Variants in PCDHGA2 observed in about 807,000 individuals in gnomAD.
PCDHGA2 encodes protocadherin gamma-A2.
A neutral mutation model predicts 59.2 loss-of-function variants in PCDHGA2; 40 were observed. The observed-to-expected ratio is 0.68, with a 90% CI of 0.52 to 0.88. The LOEUF (loss-of-function observed/expected upper bound fraction) is 0.88. Ranked by LOEUF, PCDHGA2 falls within the 40% of genes least tolerant of loss-of-function variation. The pLI is 0.00. For missense variants in PCDHGA2, 1,226 were observed against 1,204.0 expected, an observed-to-expected ratio of 1.02 and a Z score of -0.27; for synonymous variants, 560 against 526.0, an observed-to-expected ratio of 1.06 and a Z score of -0.89.
At chr5:141,408,882 A>G (rs1561715935) in intron 1 of PCDHGA2, 1 of 1,613,404 alleles carries the variant, frequency 6.2e-7, no homozygotes, top group Admixed American at 1.7e-5. Context: ...GCCACCGCTC[A>G]CATAGAAATT....
At chr5:141,416,033 C>T (rs770398549) in intron 1 of PCDHGA2, 22 of 202,600 alleles carry the variant, frequency 1.1e-4, no homozygotes, top group Non-Finnish European at 1.9e-4. Flanking sequence ...AAAGAAATCA[C>T]CTCTGGAAAC....
Position 141,432,736 on chromosome 5 carries a change from G to T in PCDHGA2, c.2425-62071G>T. On this transcript the variant is annotated intron_variant, in intron 1 of 3. Transcript: ENST00000394576. The surrounding 1 kb of genome is among the most constrained non-coding windows in gnomAD (Gnocchi z 6.0). ...AGCCCCCTCTCTCCGCCACTGTCACGCTCACCGTGGCCGTGGCCGACAGCA... is the reference window on the plus strand; with the variant it reads ...AGCCCCCTCTCTCCGCCACTGTCACTCTCACCGTGGCCGTGGCCGACAGCA... The T allele has an allele frequency of 6.2e-7, 1 of 1,614,058 alleles. No individual in the cohort carries two copies. The highest frequency in any genetic ancestry group is 8.5e-7 in the Non-Finnish European group (1 of 1,179,980).
chr5:141,393,250 C>G, intron 1 of PCDHGA2: 11 of 1,613,824 alleles, frequency 6.8e-6, no homozygotes, highest in South Asian at 1.1e-5. Flanking sequence ...AACGAAATCG[C>G]GGTTCCTGGA....
intron 1 of PCDHGA2, among the ~76,000 whole-genome samples, chr5:141,467,304 C>T (rs567912553): frequency 2.0e-5 from 3 of 152,266 alleles, no homozygotes; most frequent in Admixed American, 6.5e-5. Flanking sequence ...CCACTCACCT[C>T]GGCCTCCCAC....
Position 141,485,875 on chromosome 5 carries a change from C to T in PCDHGA2, c.2425-8932C>T, listed in dbSNP as rs1254918181. The T allele has an allele frequency of 1.9e-6, 3 of 1,614,150 alleles. No homozygotes were observed. The highest frequency in any genetic ancestry group is 2.2e-5 in the East Asian group (1 of 44,862). On this transcript the variant is annotated intron_variant, in intron 1 of 3. Transcript: ENST00000394576. This position sits in a 1 kb window ranked among gnomAD's most constrained non-coding sequence, Gnocchi z 5.7. ...CAGAGCTCCGGGTATCCGTGCTGGACGTAAACGACAACGCCCCAGCCTTCC... is the reference window on the plus strand; with the variant it reads ...CAGAGCTCCGGGTATCCGTGCTGGATGTAAACGACAACGCCCCAGCCTTCC...
chr5:141,390,371 T>C (rs761971479), intron 1 of PCDHGA2: 15 of 1,499,488 alleles, frequency 1.0e-5, no homozygotes, highest in Non-Finnish European at 3.6e-6. Context: ...GGAAAATATA[T>C]AATTTTTAGA....
At position 141,486,927 on chromosome 5, in the gene PCDHGA2, G is replaced by A; in HGVS notation, c.2425-7880G>A. ...CCCCAAGCACTGCCTCCATCAGTTG[G>A]TGCTGGCCACCTAATCACAAAGGTG... On this transcript the variant is annotated intron_variant, in intron 1 of 3. Transcript: ENST00000394576. The surrounding 1 kb of genome is among the most constrained non-coding windows in gnomAD (Gnocchi z 5.0). 4 of 1,614,226 alleles carry A rather than the reference G, an allele frequency of 2.5e-6. No individual in the cohort carries two copies. Among genetic ancestry groups the A allele is most frequent in the Non-Finnish European group, 3.4e-6 (4 of 1,180,046 alleles).
intron 1 of PCDHGA2, among the ~76,000 whole-genome samples, chr5:141,450,832 T>TTATTA (rs764784095): frequency 5.6e-5 from 8 of 142,316 alleles, no homozygotes; most frequent in African/African-American, 2.2e-4. Context: ...TATTATTATT[T>TTATTA]TTTTTTTTTT....
intron 1 of PCDHGA2, among the ~76,000 whole-genome samples, chr5:141,359,234 T>C (rs1489655323): frequency 6.6e-6 from 1 of 152,044 alleles, no homozygotes; most frequent in Non-Finnish European, 1.5e-5. Flanking sequence ...GGAGAGATTG[T>C]TTAAAGTAAT....
rs151023570 is a variant in PCDHGA2, at chr5:141,339,442, G to T, written c.471G>T (p.Ala157=). Residue 157 remains alanine, a synonymous_variant, in exon 1 of 4, where the codon GCG becomes GCT. Transcript: ENST00000394576. ...TPGFRIPLKN[A]HDADVGENAL... is the part of the protein sequence containing the mutation. ...GATTCCGGATTCCTCTTAAGAATGC[G>T]CATGATGCAGACGTAGGTGAGAACG... 6 of 1,614,086 alleles carry T rather than the reference G, an allele frequency of 3.7e-6. No individual in the cohort carries two copies. Among genetic ancestry groups the T allele is most frequent in the South Asian group, 3.3e-5 (3 of 91,088 alleles).
rs2096301395 is a variant in PCDHGA2, at chr5:141,418,913, C to A, written c.2425-75894C>A. On this transcript the variant is annotated intron_variant, in intron 1 of 3. Coordinates refer to ENST00000394576, the MANE Select transcript of PCDHGA2 (RefSeq NM_018915.4). ...CAGCCCAGAAATAATCATCACGTCA[C>A]TCTCTGATCAGATTATGGAGGATTC... The A allele has an allele frequency of 2.5e-6, 4 of 1,613,946 alleles. No homozygotes were observed. The highest frequency in any genetic ancestry group is 3.4e-6 in the Non-Finnish European group (4 of 1,179,822).
chr5:141,375,376 T>C (rs369693089), intron 1 of PCDHGA2: 1 of 1,613,930 alleles, frequency 6.2e-7, no homozygotes, highest in Non-Finnish European at 8.5e-7. Flanking sequence ...GAACACCACC[T>C]CTGTCTACAG....
chr5:141,385,507 AG>A, intron 1 of PCDHGA2: 1 of 1,376,812 alleles, frequency 7.3e-7, no homozygotes, highest in Non-Finnish European at 9.4e-7. Flanking sequence ...GTATTTCTTT[AG>A]TGAAAGCCTA....
In PCDHGA2 at chr5:141,385,111, T is replaced by G. The variant is rs373196114; in HGVS notation, c.2424+43716T>G. 2.8e-5 allele frequency: 46 copies of G among 1,614,188 alleles called. No individual in the cohort carries two copies. The African/African-American group carries it at 5.6e-4, about 20-fold the overall frequency. On this transcript the variant is annotated intron_variant, in intron 1 of 3. Transcript: ENST00000394576. ...AGGTGGCTTGGCGAACGTGCCCACCTCGCACTTTGTGGGCATGGACGGGGT... is the reference window on the plus strand; with the variant it reads ...AGGTGGCTTGGCGAACGTGCCCACCGCGCACTTTGTGGGCATGGACGGGGT...
chr5:141,372,721 C>A (rs1769002230), intron 1 of PCDHGA2: 1 of 1,613,832 alleles, frequency 6.2e-7, no homozygotes, highest in South Asian at 1.1e-5. Flanking sequence ...GAAAATGCTG[C>A]ACCACAAGAT....
At position 141,431,316 on chromosome 5, in the gene PCDHGA2, C is replaced by T; in HGVS notation, c.2425-63491C>T. 6.2e-7 allele frequency: 1 copy of T among 1,614,104 alleles called. No individual in the cohort carries two copies. The highest frequency in any genetic ancestry group is 8.5e-7 in the Non-Finnish European group (1 of 1,180,046). The stretch of plus-strand genomic sequence containing the variant: ...TTCTCCCTCATCGTGCAAAATGGAG[C>T]CGACGGTAGTAAGTACCCCGAATTG... On this transcript the variant is annotated intron_variant, in intron 1 of 3. Transcript: ENST00000394576. The surrounding 1 kb of genome is among the most constrained non-coding windows in gnomAD (Gnocchi z 4.8).
intron 1 of PCDHGA2, chr5:141,400,199 C>G (rs1561675523): frequency 2.5e-6 from 4 of 1,614,048 alleles, no homozygotes; most frequent in Admixed American, 1.7e-5. Flanking sequence ...CTAGTGGTGG[C>G]CTTGGCCTTG....
rs1369690575 is a variant in PCDHGA2, at chr5:141,357,368, G to A, written c.2424+15973G>A. 5.0e-6 allele frequency: 8 copies of A among 1,614,036 alleles called. No individual in the cohort carries two copies. In the South Asian group the frequency reaches 6.6e-5, roughly 13 times the overall value. On this transcript the variant is annotated intron_variant, in intron 1 of 3. Coordinates refer to ENST00000394576, the MANE Select transcript of PCDHGA2 (RefSeq NM_018915.4). ...AAGCTGAGACGCTGGCACAAGTCAC[G>A]CCTGCTTCACGCTGAAGGCAGCAGG... is the stretch of plus-strand genomic sequence containing the variant.
At chr5:141,506,955 C>G (rs1387377785) in intron 3 of PCDHGA2, 1 of 152,244 alleles carries the variant, frequency 6.6e-6, no homozygotes, top group Non-Finnish European at 1.5e-5. Context: ...AATGAATCCT[C>G]TCAATAGCTC....
Sources: allele counts gnomAD v4.1 joint callset (sites outside exome capture counted in the v4.1 genomes callset), GRCh38; gene constraint gnomAD v4.1.1; non-coding constraint Gnocchi (gnomAD v3.1); transcripts MANE v1.5; gene names NCBI Gene and HGNC (gene_info 2026-07-23, HGNC 2026-07-21).